SLC35H1: variants seen among roughly 807,000 people sequenced by gnomAD.
SLC35H1 encodes solute carrier family 35 member H1, also known as ovarian cancer-overexpressed gene 1 protein.
chr20:46,351,311 A>G, the SLC35H1 span, among the ~76,000 whole-genome samples: 2 of 152,016 alleles, frequency 1.3e-5, no homozygotes, highest in Non-Finnish European at 2.9e-5. Context: ...ATAAACAGAG[A>G]CTCCAAACAG....
the SLC35H1 span, among the ~76,000 whole-genome samples, chr20:46,359,722 G>A: frequency 6.6e-6 from 1 of 152,194 alleles, no homozygotes. Context: ...CTCAGGTCCA[G>A]TGTTATGTGA....
chr20:46,349,216 C>T, the SLC35H1 span: 5 of 152,348 alleles, frequency 3.3e-5, no homozygotes, highest in Admixed American at 1.3e-4. Flanking sequence ...CCCCAAGGGC[C>T]GGGGGGGTCT....
At chr20:46,358,782 C>T in the SLC35H1 span, 31 of 1,406,396 alleles carry the variant, frequency 2.2e-5, 1 homozygote, top group Middle Eastern at 5.2e-4. Flanking sequence ...GAAAAAGGGC[C>T]GCTCTGGAGC....
chr20:46,350,598 T>C, the SLC35H1 span: 4 of 1,530,628 alleles, frequency 2.6e-6, no homozygotes, highest in Admixed American at 4.1e-5. Flanking sequence ...GCATGTGTGC[T>C]GAGTCACCCA....
At chr20:46,350,962 T>A in the SLC35H1 span, 8 of 1,582,500 alleles carry the variant, frequency 5.1e-6, no homozygotes, top group African/African-American at 1.3e-5. Flanking sequence ...GGGTGGAAGG[T>A]GGGGGCACTA....
chr20:46,359,021 CT>C, the SLC35H1 span: 1 of 494,906 alleles, frequency 2.0e-6, no homozygotes, highest in Non-Finnish European at 3.7e-6. Flanking sequence ...GCTTCCAGTG[CT>C]TTTCTGATAA....
At chr20:46,363,881 C>CGT in the SLC35H1 span, among the ~76,000 whole-genome samples, 1 of 152,260 alleles carries the variant, frequency 6.6e-6, no homozygotes, top group African/African-American at 2.4e-5. Flanking sequence ...CCCCCTGCCA[C>CGT]GTGTCAAACA....
At chr20:46,358,824 G>T in the SLC35H1 span, 3 of 1,102,758 alleles carry the variant, frequency 2.7e-6, no homozygotes, top group Non-Finnish European at 2.7e-6. Context: ...TCGTAGCCAT[G>T]GGTGCCTCTG....
At chr20:46,352,513 G>A in the SLC35H1 span, 29 of 347,042 alleles carry the variant, frequency 8.4e-5, no homozygotes, top group Non-Finnish European at 1.2e-4. Context: ...GGACCCTAGC[G>A]GGATGATGGG....
the SLC35H1 span, chr20:46,358,717 C>T: frequency 2.6e-6 from 4 of 1,550,512 alleles, no homozygotes; most frequent in African/African-American, 5.5e-5. Context: ...TGGTGCTGAC[C>T]CTTCCCATGG....
the SLC35H1 span, among the ~76,000 whole-genome samples, chr20:46,362,917 C>A: frequency 1.3e-5 from 2 of 152,318 alleles, no homozygotes; most frequent in East Asian, 1.9e-4. Context: ...CAGGCATGTG[C>A]CACCATGCCC....
chr20:46,353,847 G>A, the SLC35H1 span, among the ~76,000 whole-genome samples: 2 of 151,648 alleles, frequency 1.3e-5, no homozygotes, highest in Admixed American at 6.6e-5. Flanking sequence ...AGTGGGGAGA[G>A]ATTTTAAAGA....
At chr20:46,360,740 G>T in the SLC35H1 span, among the ~76,000 whole-genome samples, 1 of 152,060 alleles carries the variant, frequency 6.6e-6, no homozygotes, top group African/African-American at 2.4e-5. Context: ...AGTAGAGATG[G>T]GGTTTCTCCA....
At chr20:46,363,707 T>C in the SLC35H1 span, among the ~76,000 whole-genome samples, 1 of 152,342 alleles carries the variant, frequency 6.6e-6, no homozygotes, top group South Asian at 2.1e-4. Context: ...GGTCTCCCTG[T>C]TTCCTCTTTC....
At chr20:46,358,827 T>G in the SLC35H1 span, 2 of 1,087,270 alleles carry the variant, frequency 1.8e-6, no homozygotes, top group Non-Finnish European at 2.7e-6. Flanking sequence ...TAGCCATGGG[T>G]GCCTCTGAAG....
chr20:46,359,598 G>C, the SLC35H1 span, among the ~76,000 whole-genome samples: 1 of 152,218 alleles, frequency 6.6e-6, no homozygotes, highest in African/African-American at 2.4e-5. Context: ...CCTGGAAGCA[G>C]AGCCTGCCTT....
At chr20:46,355,670 A>G in the SLC35H1 span, 1 of 1,325,890 alleles carries the variant, frequency 7.5e-7, no homozygotes, top group Non-Finnish European at 1.0e-6. The surrounding 1 kb of genome is among the most constrained non-coding windows in gnomAD (Gnocchi z 4.8). Context: ...CCCTTCTCAG[A>G]AAGGGATCTA....
chr20:46,351,264 C>T, the SLC35H1 span, among the ~76,000 whole-genome samples: 1 of 152,222 alleles, frequency 6.6e-6, no homozygotes, highest in Non-Finnish European at 1.5e-5. Flanking sequence ...TGCTGTGTTA[C>T]CCCGGACTGA....
chr20:46,357,679 T>A, the SLC35H1 span: 4 of 1,614,118 alleles, frequency 2.5e-6, no homozygotes, highest in Non-Finnish European at 3.4e-6. Flanking sequence ...ACGGGCCCTG[T>A]GGCTGGAGCA....
Sources: gnomAD v4.1 joint callset for allele counts (sites outside exome capture counted in the v4.1 genomes callset) on GRCh38, gnomAD v4.1.1 for gene constraint, Gnocchi (gnomAD v3.1) non-coding constraint, MANE v1.5 for transcripts, NCBI Gene and HGNC (gene_info 2026-07-23, HGNC 2026-07-21) for gene names.